Variants in TRIM10 observed in about 807,000 individuals in gnomAD.
TRIM10 encodes the protein tripartite motif-containing protein 10.
In TRIM10, 42 loss-of-function variants were observed where a neutral mutation model predicts 40.0. The observed-to-expected ratio is 1.05, with a 90% CI of 0.82 to 1.36. The LOEUF (loss-of-function observed/expected upper bound fraction) is 1.36. Ranked by LOEUF, TRIM10 falls within the 40% of genes most tolerant of loss-of-function variation. TRIM10 has a pLI of 0.00. For synonymous variants in TRIM10, 260 were observed against 239.5 expected, an observed-to-expected ratio of 1.09 and a Z score of -0.79; for missense variants, 601 against 608.3, an observed-to-expected ratio of 0.99 and a Z score of 0.13.
At chr6:30,162,024 CCAGCA>C (rs1773135600), upstream of TRIM10, among the ~76,000 whole-genome samples, 2 of 149,576 alleles carry the variant, frequency 1.3e-5, no homozygotes, top group East Asian at 3.9e-4. Context: ...GCCTGTAATC[CCAGCA>C]CTTTGGGAGG....
At chr6:30,160,298 T>A in intron 1 of TRIM10, 132 bp downstream of exon 1, 1 of 947,224 alleles carries the variant, frequency 1.1e-6, no homozygotes. Flanking sequence ...CATGCCTGGG[T>A]CTATTGCCTG....
chr6:30,154,686 C>T (rs1337229358), intron 6 of TRIM10, 200 bp from the exon 7 acceptor site: 2 of 740,444 alleles, frequency 2.7e-6, no homozygotes, highest in East Asian at 2.7e-5. Context: ...AACAAGATGC[C>T]CAGGTGATTT....
chr6:30,155,334 A>G (rs1772428670), intron 6 of TRIM10, among the ~76,000 whole-genome samples: 1 of 152,088 alleles, frequency 6.6e-6, no homozygotes. Context: ...GTGATTATAA[A>G]CCCAGATCAA....
intron 1 of TRIM10, 120 bp downstream of exon 1, chr6:30,160,310 G>T: frequency 9.2e-7 from 1 of 1,086,510 alleles, no homozygotes; most frequent in Non-Finnish European, 1.3e-6. Context: ...TATTGCCTGG[G>T]TGATCATGTA....
Position 30,158,526 on chromosome 6 carries a change from T to A in TRIM10, c.629A>T (p.Gln210Leu), listed in dbSNP as rs61737427. The A allele has an allele frequency of 0.017, 26,777 of 1,613,040 alleles. 361 individuals are homozygous for A. The highest frequency in any genetic ancestry group is 0.047 in the African/African-American group (3,509 of 75,018). ...QSILLAQLES[Q>L]DGDILRQRDE... ...CCGTTGCCTCAAGATGTCCCCATCC[T>A]GGCTCTCCAATTGTGCTAAGAGGAT... The change falls in exon 3 of 7, where the codon CAG becomes CTG. Residue 210 changes from glutamine (Q) to leucine (L), a missense_variant. Gln to Leu is a moderately radical substitution (Grantham distance 113, BLOSUM62 -2). Transcript: ENST00000449742.
upstream of TRIM10, chr6:30,163,439 A>T: frequency 1.7e-6 from 1 of 573,570 alleles, no homozygotes; most frequent in Non-Finnish European, 3.0e-6. Flanking sequence ...GGGTAATTCG[A>T]GACGCCCTGG....
In TRIM10 at chr6:30,161,123, A is replaced by T. The variant is rs1377455601; in HGVS notation, c.-265T>A. On this transcript the variant is annotated 5_prime_UTR_variant, in exon 1 of 7. It introduces an in-frame stop codon into an upstream open reading frame of the 5' UTR. Transcript: ENST00000449742. Reference sequence around the variant, plus strand: ...TTCAGAGGTGACCTTAGATGACCATAACCAGGGGCTGGCCATTCCTTTCTG... The same window carrying T: ...TTCAGAGGTGACCTTAGATGACCATTACCAGGGGCTGGCCATTCCTTTCTG... Among the ~76,000 whole-genome samples the T allele has an allele frequency of 1.3e-5, 2 of 152,164 alleles. No individual in the cohort carries two copies. Among genetic ancestry groups the T allele is most frequent in the Non-Finnish European group, 2.9e-5 (2 of 68,016 alleles).
At chr6:30,158,354 TCACAGGACAG>T in intron 3 of TRIM10, 35 bp downstream of exon 3, 2 of 1,522,820 alleles carry the variant, frequency 1.3e-6, no homozygotes, top group Non-Finnish European at 1.8e-6. Flanking sequence ...GATGCAAGAG[TCACAGGACAG>T]CACAGGTGGG....
chr6:30,160,526 C>A lies in TRIM10; in HGVS notation c.333G>T (p.Glu111Asp). The A allele has an allele frequency of 6.2e-7, 1 of 1,614,234 alleles. No homozygotes were observed. Among genetic ancestry groups the A allele is most frequent in the East Asian group, 2.2e-5 (1 of 44,872 alleles). Residue 111 changes from glutamate (E) to aspartate (D), a missense_variant, in exon 1 of 7, where the codon GAG becomes GAT. Glu to Asp is a conservative substitution (Grantham distance 45, BLOSUM62 2). Coordinates refer to ENST00000449742, the MANE Select transcript of TRIM10 (RefSeq NM_006778.4). ...EHGEKIYFFC[E>D]DDEMQLCVVC... Reference sequence around the variant, plus strand: ...CCACGCACAACTGCATCTCATCATCCTCACAGAAGAAGTAGATCTTCTCTC... The same window carrying A: ...CCACGCACAACTGCATCTCATCATCATCACAGAAGAAGTAGATCTTCTCTC...
intron 3 of TRIM10, among the ~76,000 whole-genome samples, chr6:30,158,031 T>A (rs1389576114): frequency 1.3e-5 from 2 of 152,186 alleles, no homozygotes; most frequent in Non-Finnish European, 2.9e-5. Flanking sequence ...CAGGACAAAC[T>A]TCCTGACTGG....
In TRIM10 at chr6:30,158,542, C is replaced by A; in HGVS notation, c.613G>T (p.Ala205Ser). 6.2e-7 allele frequency: 1 copy of A among 1,613,088 alleles called. No homozygotes were observed. The highest frequency in any genetic ancestry group is 8.5e-7 in the Non-Finnish European group (1 of 1,180,036). ...TCCCCATCCTGGCTCTCCAATTGTG[C>A]TAAGAGGATGCTCTGCTGTTCCTCT... ...FLEEQQSILL[A>S]QLESQDGDIL... Residue 205 changes from alanine (A) to serine (S), a missense_variant, in exon 3 of 7, where the codon GCA becomes TCA. Coordinates refer to ENST00000449742, the MANE Select transcript of TRIM10 (RefSeq NM_006778.4).
At chr6:30,160,305 C>T (rs1772950273) in intron 1 of TRIM10, 125 bp downstream of exon 1, 2 of 1,045,470 alleles carry the variant, frequency 1.9e-6, no homozygotes, top group Non-Finnish European at 2.7e-6. Flanking sequence ...GGGTCTATTG[C>T]CTGGGTGATC....
At chr6:30,156,750 A>C (rs1010398879) in intron 5 of TRIM10, 189 bp downstream of exon 5, 4 of 694,522 alleles carry the variant, frequency 5.8e-6, no homozygotes, top group Non-Finnish European at 1.0e-5. Context: ...ATTCACCTTT[A>C]TTCTCTTTCT....
At chr6:30,163,501 A>G (rs1033709063), upstream of TRIM10, 2 of 777,390 alleles carry the variant, frequency 2.6e-6, no homozygotes, top group Admixed American at 3.0e-5. Flanking sequence ...AGGGAACACA[A>G]GAGGCGGAGC....
In TRIM10 at chr6:30,156,339, T is replaced by C. The variant is rs138677888; in HGVS notation, c.896-580A>G. On this transcript the variant is annotated intron_variant, in intron 5 of 6. Coordinates refer to ENST00000449742, the MANE Select transcript of TRIM10 (RefSeq NM_006778.4). ...TTTCAAAATTGGTGTCATCATTCATTCTGTCATGGTTAGTGAGGAGGTGGT... is the reference window on the plus strand; with the variant it reads ...TTTCAAAATTGGTGTCATCATTCATCCTGTCATGGTTAGTGAGGAGGTGGT... Among the ~76,000 whole-genome samples the C allele has an allele frequency of 2.0e-3, 304 of 152,262 alleles. 2 individuals carry two copies. Among genetic ancestry groups the C allele is most frequent in the African/African-American group, 7.1e-3 (296 of 41,552 alleles).
intron 5 of TRIM10, among the ~76,000 whole-genome samples, chr6:30,156,155 A>T (rs1772512383): frequency 6.6e-6 from 1 of 152,206 alleles, no homozygotes; most frequent in African/African-American, 2.4e-5. Context: ...AAATGGGTTC[A>T]TTTATTTATT....
intron 2 of TRIM10, 78 bp from the exon 3 acceptor site, chr6:30,158,707 A>G (rs1223820664): frequency 1.5e-5 from 18 of 1,162,570 alleles, no homozygotes; most frequent in Non-Finnish European, 2.2e-5. Flanking sequence ...CCCTGTCCCC[A>G]GGTAGATCTG....
In TRIM10 at chr6:30,153,826, C is replaced by T; in HGVS notation, c.*143G>A. 1.2e-6 allele frequency: 2 copies of T among 1,611,308 alleles called. No individual in the cohort carries two copies. Among genetic ancestry groups the T allele is most frequent in the Non-Finnish European group, 1.7e-6 (2 of 1,178,700 alleles). On this transcript the variant is annotated 3_prime_UTR_variant, in exon 7 of 7. Transcript: ENST00000449742. ...AGATTGAGAGTCCTCTCTTCTATCC[C>T]TTACCACCCGGCCCCATCCCATCTT...
Position 30,157,363 on chromosome 6 carries a change from G to T in TRIM10, c.779+6C>A. On this transcript the variant is annotated splice_donor_region_variant and intron_variant, in intron 4 of 6. Transcript: ENST00000449742. ...AAAAAGAAAAGAGAGAAACTATATT[G>T]CTTACCTTATTAGAGTGCTTCTGAT... 1 of 1,599,420 alleles carries T rather than the reference G, an allele frequency of 6.3e-7. No homozygotes were observed. The highest frequency in any genetic ancestry group is 8.5e-7 in the Non-Finnish European group (1 of 1,174,910).
Sources: gnomAD v4.1 joint callset for allele counts (sites outside exome capture counted in the v4.1 genomes callset) on GRCh38, gnomAD v4.1.1 for gene constraint, MANE v1.5 for transcripts, NCBI Gene and HGNC (gene_info 2026-07-23, HGNC 2026-07-21) for gene names.